DSCAM: variants seen among roughly 807,000 people sequenced by gnomAD.
The protein encoded by DSCAM is cell adhesion molecule DSCAM.
In DSCAM, 47 loss-of-function variants were observed where a neutral mutation model predicts 217.7. The observed-to-expected ratio is 0.22, with a 90% CI of 0.17 to 0.28. The LOEUF is 0.28. Ranked by LOEUF, DSCAM falls within the 10% of genes least tolerant of loss-of-function variation. The probability of loss-of-function intolerance (pLI) is 1.00; values close to 1 mark genes in which losing one functional copy is unlikely to be tolerated. For synonymous variants in DSCAM, 1,056 were observed against 1,015.3 expected (o/e 1.04, Z -0.76); for missense variants, 2,080 against 2,618.3 (o/e 0.79, Z 4.49).
intron 20 of DSCAM, among the ~76,000 whole-genome samples, chr21:40,122,181 G>T (rs1376626461): frequency 2.6e-5 from 4 of 152,104 alleles, no homozygotes; most frequent in African/African-American, 7.2e-5. Context: ...GTAATTCTTA[G>T]GCCAGGAGGA....
chr21:40,143,531 C>A lies in DSCAM; in HGVS notation c.3260-827G>T, dbSNP rs143398997. On this transcript the variant is annotated intron_variant, in intron 17 of 32. Coordinates refer to ENST00000400454, the MANE Select transcript of DSCAM (RefSeq NM_001389.5). The stretch of plus-strand genomic sequence containing the variant: ...CAAGGGCCGGGCGCGGTGGCTCACG[C>A]CTCTAATCCCAGCACTTTTGGAGGC... Among the ~76,000 whole-genome samples the A allele has an allele frequency of 5.1e-4, 78 of 152,342 alleles. No individual in the cohort carries two copies. In the East Asian group the frequency reaches 0.014, roughly 28 times the overall value.
chr21:40,620,990 A>G (rs1300897535), intron 3 of DSCAM, among the ~76,000 whole-genome samples: 1 of 152,216 alleles, frequency 6.6e-6, no homozygotes, highest in African/African-American at 2.4e-5. Flanking sequence ...AAAAGTTTGC[A>G]TTTCTAGGAT....
chr21:40,493,750 C>G (rs1416176486), intron 3 of DSCAM, among the ~76,000 whole-genome samples: 1 of 151,428 alleles, frequency 6.6e-6, no homozygotes, highest in Non-Finnish European at 1.5e-5. Flanking sequence ...GTAATCCCAG[C>G]TACTCGGGAA....
chr21:40,452,008 T>C (rs1045640327), intron 3 of DSCAM, among the ~76,000 whole-genome samples: 1 of 152,006 alleles, frequency 6.6e-6, no homozygotes, highest in Non-Finnish European at 1.5e-5. Context: ...TCCAATTGAT[T>C]ACCTCCCTGG....
In DSCAM at chr21:40,178,977, A is replaced by G. The variant is rs2090765031; in HGVS notation, c.2897T>C (p.Ile966Thr). 4 of 1,614,064 alleles carry G rather than the reference A, an allele frequency of 2.5e-6. No homozygotes were observed. Among genetic ancestry groups the G allele is most frequent in the Non-Finnish European group, 2.5e-6 (3 of 1,180,006 alleles). Residue 966 changes from isoleucine (I) to threonine (T), a missense_variant, in exon 15 of 33, where the codon ATT becomes ACT. This residue lies in a region of DSCAM where 1,144 missense variants were observed against 1,421.1 expected (regional missense o/e 0.81). Transcript: ENST00000400454. ...YSIRMYAKNR[I>T]GKSEPSNELT... is the part of the protein sequence containing the mutation. Reference sequence around the variant, plus strand: ...CTCGTTGCTGGGCTCGCTCTTGCCAATCCGGTTCTTGGCGTACATGCGGAT... The same window carrying G: ...CTCGTTGCTGGGCTCGCTCTTGCCAGTCCGGTTCTTGGCGTACATGCGGAT...
At chr21:40,309,157 C>CT (rs2074111330) in intron 9 of DSCAM, among the ~76,000 whole-genome samples, 2 of 152,176 alleles carry the variant, frequency 1.3e-5, no homozygotes, top group African/African-American at 4.8e-5. Context: ...ATTTTACTGC[C>CT]TCCTGTGATA....
At chr21:40,761,145 T>G (rs540708111) in intron 1 of DSCAM, among the ~76,000 whole-genome samples, 196 of 152,330 alleles carry the variant, frequency 1.3e-3, no homozygotes, top group African/African-American at 4.6e-3. Context: ...GCATCCATGA[T>G]CCTTCCAAGT....
At chr21:40,063,407 T>C (rs2089153383) in intron 27 of DSCAM, among the ~76,000 whole-genome samples, 1 of 150,128 alleles carries the variant, frequency 6.7e-6, no homozygotes, top group Non-Finnish European at 1.5e-5. Flanking sequence ...AAAAACTTTA[T>C]TTTTTTTTTC....
chr21:40,656,116 T>C (rs2090072790), intron 3 of DSCAM, among the ~76,000 whole-genome samples: 1 of 152,140 alleles, frequency 6.6e-6, no homozygotes, highest in Admixed American at 6.5e-5. Flanking sequence ...ATGTAATCAT[T>C]TCCTTAGTGG....
chr21:40,135,574 C>T (rs552490798), intron 18 of DSCAM, among the ~76,000 whole-genome samples: 6 of 152,192 alleles, frequency 3.9e-5, no homozygotes, highest in South Asian at 2.1e-4. Flanking sequence ...ACCCACGAGC[C>T]GTCGTGTCGG....
chr21:40,767,900 C>G (rs2091408741), intron 1 of DSCAM, among the ~76,000 whole-genome samples: 1 of 151,986 alleles, frequency 6.6e-6, no homozygotes, highest in South Asian at 2.1e-4. Flanking sequence ...CTCTCTCTCC[C>G]TGTGTGTGTG....
chr21:40,117,196 T>G (rs906765369), intron 20 of DSCAM, among the ~76,000 whole-genome samples: 1 of 152,082 alleles, frequency 6.6e-6, no homozygotes, highest in Non-Finnish European at 1.5e-5. Context: ...CAATTTAACC[T>G]CTTTTAGATG....
chr21:40,552,549 CTTCTATGTGTTAGAAATG>C (rs2076639019), intron 3 of DSCAM, among the ~76,000 whole-genome samples: 1 of 152,198 alleles, frequency 6.6e-6, no homozygotes, highest in Non-Finnish European at 1.5e-5. Context: ...GTCCTGAAAT[CTTCTATGTGTTAGAAATG>C]TTTCTATCTT....
At chr21:40,137,161 C>G (rs1455510756) in intron 18 of DSCAM, among the ~76,000 whole-genome samples, 5 of 120,318 alleles carry the variant, frequency 4.2e-5, no homozygotes, top group Non-Finnish European at 6.4e-5. Context: ...GGCGACAGAG[C>G]GAGACTCTGT....
intron 3 of DSCAM, among the ~76,000 whole-genome samples, chr21:40,646,108 T>C (rs2089943143): frequency 6.6e-6 from 1 of 152,128 alleles, no homozygotes; most frequent in Admixed American, 6.5e-5. Context: ...GGGTGGAACA[T>C]AAGGCCTAGA....
At chr21:40,358,845 C>A (rs946485606) in intron 4 of DSCAM, among the ~76,000 whole-genome samples, 2 of 148,992 alleles carry the variant, frequency 1.3e-5, no homozygotes. Flanking sequence ...TTTTCAAAGG[C>A]ACCATTTAGA....
intron 3 of DSCAM, among the ~76,000 whole-genome samples, chr21:40,474,823 C>T (rs952052771): frequency 3.3e-5 from 5 of 152,146 alleles, no homozygotes; most frequent in African/African-American, 9.7e-5. Flanking sequence ...CTGAGGGGAA[C>T]GTTGTTCTTG....
Position 40,187,199 on chromosome 21 carries a change from C to T in DSCAM, c.2711G>A (p.Arg904Lys), listed in dbSNP as rs1448551017. The T allele has an allele frequency of 6.2e-7, 1 of 1,614,150 alleles. No individual in the cohort carries two copies. The highest frequency in any genetic ancestry group is 8.5e-7 in the Non-Finnish European group (1 of 1,180,010). The change falls in exon 14 of 33, where the codon AGG becomes AAG. Residue 904 changes from arginine to lysine, a missense_variant. Arg to Lys is a conservative substitution (Grantham distance 26, BLOSUM62 2). Around this residue, in one of 5 missense-constraint regions of DSCAM, gnomAD observed 1,144 missense variants for 1,421.1 expected, o/e 0.81. Coordinates refer to ENST00000400454, the MANE Select transcript of DSCAM (RefSeq NM_001389.5). ...GTTTCCATCAAACCCCATGGTCCAC[C>T]TGAGCGTAATTGTGCGTGCTTTGAC... ...KDVKARTITL[R>K]WTMGFDGNSP...
intron 3 of DSCAM, among the ~76,000 whole-genome samples, chr21:40,417,561 T>TAG (rs1555915726): frequency 6.6e-6 from 1 of 151,362 alleles, no homozygotes; most frequent in Non-Finnish European, 1.5e-5. Context: ...TGAAGAAAAA[T>TAG]AGATATACAG....
Sources: gnomAD v4.1 joint callset for allele counts (sites outside exome capture counted in the v4.1 genomes callset) on GRCh38, gnomAD v4.1.1 for gene constraint, gnomAD v4.1.1 regional missense constraint, MANE v1.5 for transcripts, NCBI Gene and HGNC (gene_info 2026-07-23, HGNC 2026-07-21) for gene names.